The following SLC24A2 variants were observed in gnomAD, a reference collection of about 807,000 sequenced individuals.
SLC24A2 encodes the protein sodium/potassium/calcium exchanger 2.
A neutral mutation model predicts 62.0 loss-of-function variants in SLC24A2; 36 were observed. The observed-to-expected ratio is 0.58, with a 90% CI of 0.44 to 0.77. The LOEUF is 0.77. SLC24A2 is among the 30% of genes least tolerant of loss of function. The pLI, the probability that SLC24A2 is intolerant of heterozygous loss-of-function variation, is 0.00. For missense variants in SLC24A2, 846 were observed against 817.9 expected (o/e 1.03, Z -0.42); for synonymous variants, 358 against 294.0 (o/e 1.22, Z -2.23).
At chr9:19,734,219 G>A (rs1821428224) in intron 2 of SLC24A2, among the ~76,000 whole-genome samples, 1 of 152,228 alleles carries the variant, frequency 6.6e-6, no homozygotes, top group East Asian at 1.9e-4. Context: ...TATTTCTGAT[G>A]GCTCTGTTCT....
the SLC24A2 span, among the ~76,000 whole-genome samples, chr9:20,288,741 C>CAA: frequency 1.0e-3 from 80 of 78,846 alleles, no homozygotes; most frequent in Non-Finnish European, 1.7e-3. Context: ...GACTCTGTCT[C>CAA]AAAAAAAAAA....
chr9:20,048,591 G>C, the SLC24A2 span, among the ~76,000 whole-genome samples: 3 of 152,054 alleles, frequency 2.0e-5, no homozygotes, highest in African/African-American at 7.2e-5. Flanking sequence ...GTAATTAAAG[G>C]AGTCAACATT....
chr9:20,036,005 T>C, the SLC24A2 span, among the ~76,000 whole-genome samples: 2 of 152,204 alleles, frequency 1.3e-5, no homozygotes, highest in East Asian at 3.9e-4. Context: ...ATGTGATTTA[T>C]AAGATAATTG....
At chr9:19,568,053 T>C (rs1034412163) in intron 7 of SLC24A2, among the ~76,000 whole-genome samples, 5 of 152,210 alleles carry the variant, frequency 3.3e-5, no homozygotes, top group African/African-American at 1.2e-4. Context: ...CAGTGTGGTG[T>C]ATGGGGCTCA....
chr9:19,552,123 A>G (rs1834874844), intron 7 of SLC24A2, among the ~76,000 whole-genome samples: 1 of 152,148 alleles, frequency 6.6e-6, no homozygotes, highest in Admixed American at 6.5e-5. Context: ...CTTTCTATGC[A>G]ATTCACATAT....
At chr9:19,670,545 C>A in intron 2 of SLC24A2, among the ~76,000 whole-genome samples, 1 of 152,144 alleles carries the variant, frequency 6.6e-6, no homozygotes, top group Non-Finnish European at 1.5e-5. Flanking sequence ...TTCCTTATGA[C>A]AATCCTATTT....
At chr9:20,109,998 T>C in the SLC24A2 span, among the ~76,000 whole-genome samples, 1 of 152,196 alleles carries the variant, frequency 6.6e-6, no homozygotes, top group African/African-American at 2.4e-5. Context: ...AACTGTGTTC[T>C]TTTTTCTTAC....
intron 2 of SLC24A2, among the ~76,000 whole-genome samples, chr9:19,666,663 A>T (rs1010233802): frequency 6.6e-6 from 1 of 152,232 alleles, no homozygotes; most frequent in Admixed American, 6.5e-5. Flanking sequence ...TCATGGGAAC[A>T]GCATGTACTG....
the SLC24A2 span, among the ~76,000 whole-genome samples, chr9:20,019,890 A>C: frequency 4.8e-5 from 7 of 145,956 alleles, 1 homozygote; most frequent in African/African-American, 1.0e-4. Context: ...AAAAAAAAAA[A>C]CCACCAAAAA....
the SLC24A2 span, among the ~76,000 whole-genome samples, chr9:20,211,725 C>T: frequency 6.6e-6 from 1 of 152,008 alleles, no homozygotes. Flanking sequence ...ACTAAACCCC[C>T]AATTTATATT....
the SLC24A2 span, among the ~76,000 whole-genome samples, chr9:20,193,084 A>T: frequency 3.2e-4 from 49 of 152,302 alleles, no homozygotes; most frequent in South Asian, 9.5e-3. Flanking sequence ...AAGTAGCAAG[A>T]TCCCTGCTCT....
chr9:20,143,986 G>T, the SLC24A2 span, among the ~76,000 whole-genome samples: 5 of 152,150 alleles, frequency 3.3e-5, no homozygotes, highest in African/African-American at 1.2e-4. Flanking sequence ...TCCACTGATG[G>T]AAATAATCTC....
chr9:19,815,959 C>CTTTTTT, the SLC24A2 span, among the ~76,000 whole-genome samples: 5 of 103,452 alleles, frequency 4.8e-5, no homozygotes, highest in Non-Finnish European at 5.7e-5. Context: ...TTTTTTGCCC[C>CTTTTTT]TTTTTTTTTT....
chr9:19,799,099 G>T, the SLC24A2 span, among the ~76,000 whole-genome samples: 2 of 151,994 alleles, frequency 1.3e-5, no homozygotes, highest in Middle Eastern at 6.8e-3. Context: ...TCTTGCTGTT[G>T]CTAATGGTAG....
chr9:20,232,474 G>A, the SLC24A2 span, among the ~76,000 whole-genome samples: 14 of 152,262 alleles, frequency 9.2e-5, no homozygotes, highest in East Asian at 1.9e-3. Flanking sequence ...GAGGATGTAC[G>A]TGTCGAGGAA....
the SLC24A2 span, among the ~76,000 whole-genome samples, chr9:20,206,826 G>C: frequency 6.7e-6 from 1 of 150,104 alleles, no homozygotes. Context: ...TCTGTTTTAA[G>C]TTCTAACATA....
the SLC24A2 span, among the ~76,000 whole-genome samples, chr9:20,213,816 T>G: frequency 6.6e-6 from 1 of 152,236 alleles, no homozygotes; most frequent in South Asian, 2.1e-4. Flanking sequence ...TAGTGCCTAC[T>G]ATGTGTTCTG....
chr9:20,080,208 G>T, the SLC24A2 span, among the ~76,000 whole-genome samples: 1 of 151,944 alleles, frequency 6.6e-6, no homozygotes, highest in East Asian at 1.9e-4. Flanking sequence ...GAGGCATCAG[G>T]CTACCTGACT....
chr9:19,922,633 G>T, the SLC24A2 span, among the ~76,000 whole-genome samples: 1 of 152,158 alleles, frequency 6.6e-6, no homozygotes, highest in Non-Finnish European at 1.5e-5. Context: ...AGGAGGGATT[G>T]GCGAGCATCC....
Sources: gnomAD v4.1 joint callset for allele counts (sites outside exome capture counted in the v4.1 genomes callset) on GRCh38, gnomAD v4.1.1 for gene constraint, MANE v1.5 for transcripts, NCBI Gene and HGNC (gene_info 2026-07-23, HGNC 2026-07-21) for gene names.